EEPD1: variants seen among roughly 807,000 people sequenced by gnomAD.
EEPD1 encodes endonuclease/exonuclease/phosphatase family domain containing 1.
EEPD1 carries 17 observed loss-of-function variants against 46.3 expected under a neutral mutation model. The observed-to-expected ratio is 0.37, with a 90% CI of 0.25 to 0.55. EEPD1 has a LOEUF of 0.55. Ranked by LOEUF, EEPD1 falls within the 20% of genes least tolerant of loss-of-function variation. The pLI, the probability that EEPD1 is intolerant of heterozygous loss-of-function variation, is 0.83. For synonymous variants in EEPD1, 313 were observed against 315.6 expected (o/e 0.99, Z 0.09); for missense variants, 673 against 745.6 (o/e 0.90, Z 1.13).
At chr7:36,290,825 C>T (rs886971619) in intron 6 of EEPD1, among the ~76,000 whole-genome samples, 1 of 152,204 alleles carries the variant, frequency 6.6e-6, no homozygotes, top group Admixed American at 6.5e-5. Flanking sequence ...CAGCCCAAAA[C>T]GTTCTCCCCT....
chr7:36,172,807 C>G (rs1407859297), intron 2 of EEPD1, among the ~76,000 whole-genome samples: 2 of 47,778 alleles, frequency 4.2e-5, no homozygotes, highest in South Asian at 7.4e-4. Context: ...TTAACCAAAC[C>G]CAAAAAAAAG....
chr7:36,172,020 A>C (rs9648427), intron 2 of EEPD1, among the ~76,000 whole-genome samples: 2 of 152,062 alleles, frequency 1.3e-5, no homozygotes, highest in African/African-American at 4.8e-5. Flanking sequence ...ATATTTATAC[A>C]TACAATATAA....
At chr7:36,221,101 G>A (rs974912361) in intron 2 of EEPD1, among the ~76,000 whole-genome samples, 1 of 152,154 alleles carries the variant, frequency 6.6e-6, no homozygotes, top group Non-Finnish European at 1.5e-5. Context: ...GAGCCACTGC[G>A]TCCAGCCAAC....
In EEPD1 at chr7:36,261,351, T is replaced by C. The variant is rs547003913; in HGVS notation, c.931-19764T>C. Reference sequence around the variant, plus strand: ...CCTCTGCTTGCCCTTGGGTATATCCTAAGCACTTTTCCCTCCTGCCTTGTT... The same window carrying C: ...CCTCTGCTTGCCCTTGGGTATATCCCAAGCACTTTTCCCTCCTGCCTTGTT... On this transcript the variant is annotated intron_variant, in intron 3 of 7. Coordinates refer to ENST00000242108, the MANE Select transcript of EEPD1 (RefSeq NM_030636.3). 1.3e-3 allele frequency among the ~76,000 whole-genome samples: 203 copies of C among 152,334 alleles called. 1 individual carries two copies. Among genetic ancestry groups the C allele is most frequent in the Non-Finnish European group, 2.2e-3 (151 of 68,030 alleles).
At chr7:36,182,140 A>G (rs1248728103) in intron 2 of EEPD1, among the ~76,000 whole-genome samples, 2 of 152,202 alleles carry the variant, frequency 1.3e-5, no homozygotes, top group East Asian at 3.8e-4. Context: ...CTGTGTGTCC[A>G]CTTAGACTGT....
chr7:36,186,662 G>T (rs1429567547), intron 2 of EEPD1, among the ~76,000 whole-genome samples: 1 of 152,178 alleles, frequency 6.6e-6, no homozygotes, highest in African/African-American at 2.4e-5. Flanking sequence ...AATAATTCAA[G>T]GGAAGCAATG....
chr7:36,173,346 A>AAAACTTAGCTGGGTGTGGTAATG (rs1785123529), intron 2 of EEPD1, among the ~76,000 whole-genome samples: 1 of 150,836 alleles, frequency 6.6e-6, no homozygotes, highest in Non-Finnish European at 1.5e-5. Flanking sequence ...AAAAAAAAAA[A>AAAACTTAGCTGGGTGTGGTAATG]AACTTAGCTG....
intron 6 of EEPD1, among the ~76,000 whole-genome samples, chr7:36,294,902 G>A (rs943082751): frequency 6.6e-6 from 1 of 152,158 alleles, no homozygotes; most frequent in African/African-American, 2.4e-5. Flanking sequence ...GGTAGGTCAG[G>A]CACGGTGGCT....
chr7:36,300,206 A>C lies in EEPD1; in HGVS notation c.*1000A>C, dbSNP rs1056460767. On this transcript the variant is annotated 3_prime_UTR_variant, in exon 8 of 8. Transcript: ENST00000242108. ...GGGTATCATGGAGAGTGTCCCTCCTAGTGGCTGGAGGTAGGGACAGTTGGT... is the reference window on the plus strand; with the variant it reads ...GGGTATCATGGAGAGTGTCCCTCCTCGTGGCTGGAGGTAGGGACAGTTGGT... 2.0e-5 allele frequency: 3 copies of C among 152,180 alleles called. No individual in the cohort carries two copies. Among genetic ancestry groups the C allele is most frequent in the Non-Finnish European group, 4.4e-5 (3 of 68,054 alleles). 9.4% of individuals were successfully genotyped at this position (152,180 alleles called of 1,614,324 possible). A position where few individuals can be genotyped will look rare whatever the true frequency, so the allele number is the denominator to read the frequency against.
chr7:36,217,799 A>G (rs1786055911), intron 2 of EEPD1, among the ~76,000 whole-genome samples: 1 of 152,208 alleles, frequency 6.6e-6, no homozygotes. Flanking sequence ...GGCTCTAACA[A>G]AACCCAGAGG....
At chr7:36,153,874 G>A (rs572683336) in intron 1 of EEPD1, among the ~76,000 whole-genome samples, 200 bp downstream of exon 1, 3 of 152,310 alleles carry the variant, frequency 2.0e-5, no homozygotes, top group South Asian at 2.1e-4. Context: ...AGGCCTGGAG[G>A]AGAGGCATGA....
intron 2 of EEPD1, among the ~76,000 whole-genome samples, chr7:36,231,909 A>G (rs1181944255): frequency 6.6e-6 from 1 of 152,228 alleles, no homozygotes; most frequent in Non-Finnish European, 1.5e-5. Flanking sequence ...AATAAATACC[A>G]TAAACTGGAA....
At chr7:36,211,712 G>A (rs1785938010) in intron 2 of EEPD1, among the ~76,000 whole-genome samples, 1 of 152,042 alleles carries the variant, frequency 6.6e-6, no homozygotes, top group African/African-American at 2.4e-5. Flanking sequence ...ATCAACTGAG[G>A]TCAGGAGTTT....
intron 2 of EEPD1, among the ~76,000 whole-genome samples, chr7:36,189,689 AT>A (rs1329629858): frequency 6.6e-6 from 1 of 152,208 alleles, no homozygotes; most frequent in Non-Finnish European, 1.5e-5. Flanking sequence ...AAAGCTTCCA[AT>A]AAATGAGCTA....
chr7:36,224,389 A>G (rs1786196621), intron 2 of EEPD1, among the ~76,000 whole-genome samples: 1 of 152,194 alleles, frequency 6.6e-6, no homozygotes, highest in African/African-American at 2.4e-5. Context: ...CAGTCAGTCC[A>G]CTCATAATAG....
At position 36,287,726 on chromosome 7, in the gene EEPD1, G is replaced by A. The variant is rs143353243; in HGVS notation, c.1264G>A (p.Asp422Asn). 4.9e-3 allele frequency: 7,850 copies of A among 1,614,198 alleles called. 35 individuals are homozygous for A. The highest frequency in any genetic ancestry group is 6.1e-3 in the Non-Finnish European group (7,140 of 1,180,036). Residue 422 changes from aspartate to asparagine, a missense_variant, in exon 6 of 8, where the codon GAT (aspartate) becomes AAT (asparagine). Transcript: ENST00000242108. ...GSENPSKNHS[D>N]GHRLASFAQT... ...CGAGAATCCCAGCAAGAATCACAGTGATGGCCACCGGTTGGCGAGCTTTGC... is the reference window on the plus strand; with the variant it reads ...CGAGAATCCCAGCAAGAATCACAGTAATGGCCACCGGTTGGCGAGCTTTGC...
intron 3 of EEPD1, among the ~76,000 whole-genome samples, chr7:36,247,382 C>CT (rs1271572123): frequency 6.6e-6 from 1 of 152,146 alleles, no homozygotes; most frequent in African/African-American, 2.4e-5. Flanking sequence ...TTATTACGTG[C>CT]TTTTGGAGTG....
chr7:36,288,421 A>G (rs961796631), intron 6 of EEPD1, among the ~76,000 whole-genome samples: 1 of 152,168 alleles, frequency 6.6e-6, no homozygotes, highest in African/African-American at 2.4e-5. Context: ...CTTCATGTAC[A>G]CGAGTTGACT....
intron 2 of EEPD1, among the ~76,000 whole-genome samples, chr7:36,229,904 G>A (rs2540680): frequency 0.96 from 145,340 of 151,960 alleles, 69,852 homozygotes; most frequent in East Asian, 1. Context: ...TCTCCCCTTC[G>A]TCACCATCCT....
Sources: allele counts gnomAD v4.1 joint callset (sites outside exome capture counted in the v4.1 genomes callset), GRCh38; gene constraint gnomAD v4.1.1; transcripts MANE v1.5; gene names NCBI Gene and HGNC (gene_info 2026-07-23, HGNC 2026-07-21).